The following FYB2 variants were observed in gnomAD, a reference collection of about 807,000 sequenced individuals.
The protein encoded by FYB2 is FYN-binding protein 2.
Under a neutral mutation model 94.1 loss-of-function variants are expected in FYB2, and 103 were observed. That is an observed-to-expected ratio of 1.09 (90% CI 0.93 to 1.29). FYB2 has a LOEUF of 1.29. Among genes scored for constraint, FYB2 ranks in the 50% most tolerant of loss-of-function variants. FYB2 has a pLI of 0.00. For synonymous variants in FYB2, 293 were observed against 287.9 expected (o/e 1.02, Z -0.18); for missense variants, 896 against 841.5 (o/e 1.06, Z -0.80).
intron 1 of FYB2, among the ~76,000 whole-genome samples, chr1:56,793,944 A>G (rs1242309501): frequency 6.6e-6 from 1 of 152,184 alleles, no homozygotes; most frequent in Non-Finnish European, 1.5e-5. Context: ...AAATACTCTG[A>G]GAAACTTGAT....
chr1:56,812,815 G>C (rs899009489), intron 1 of FYB2, among the ~76,000 whole-genome samples: 1 of 152,124 alleles, frequency 6.6e-6, no homozygotes, highest in African/African-American at 2.4e-5. Context: ...AGGTTGATGG[G>C]GGAAGAGTAG....
At chr1:56,793,642 A>G (rs1455505754) in intron 1 of FYB2, among the ~76,000 whole-genome samples, 2 of 150,118 alleles carry the variant, frequency 1.3e-5, no homozygotes, top group Non-Finnish European at 1.5e-5. Flanking sequence ...TTCACTACCT[A>G]GGTGATGGAA....
intron 4 of FYB2, among the ~76,000 whole-genome samples, chr1:56,768,379 G>A (rs1419946535): frequency 6.6e-6 from 1 of 152,182 alleles, no homozygotes; most frequent in Non-Finnish European, 1.5e-5. Context: ...TCAGCATCAA[G>A]TCCAGAGTTA....
At chr1:56,738,936 C>G (rs1427174794) in intron 13 of FYB2, among the ~76,000 whole-genome samples, 1 of 152,000 alleles carries the variant, frequency 6.6e-6, no homozygotes, top group Non-Finnish European at 1.5e-5. Context: ...TAAGGGAAAA[C>G]TAGAACTTTG....
At chr1:56,819,254 G>A in intron 1 of FYB2, 28 bp downstream of exon 1, 1 of 1,614,198 alleles carries the variant, frequency 6.2e-7, no homozygotes, top group African/African-American at 1.3e-5. Flanking sequence ...CACACAGAAA[G>A]CCAGCAACAA....
In FYB2 at chr1:56,792,128, G is replaced by A. The variant is rs974462319; in HGVS notation, c.685C>T (p.Pro229Ser). The part of the protein sequence containing the change: ...QHIRKSWENP[P>S]PERSPASSPC... The stretch of plus-strand genomic sequence containing the variant: ...CTGCTTGCCGGGCTCCTCTCAGGAG[G>A]TGGGTTTTCCCAGCTTTTTCTGATA... Residue 229 changes from proline to serine, a missense_variant, in exon 2 of 20, where the codon CCT (proline) becomes TCT (serine). Transcript: ENST00000343433. The A allele has an allele frequency of 6.2e-7, 1 of 1,613,768 alleles. No homozygotes were observed. Among genetic ancestry groups the A allele is most frequent in the Admixed American group, 1.7e-5 (1 of 59,986 alleles).
chr1:56,730,902 C>T (rs1644693649), intron 15 of FYB2, among the ~76,000 whole-genome samples: 1 of 151,956 alleles, frequency 6.6e-6, no homozygotes, highest in Admixed American at 6.6e-5. Flanking sequence ...TTAGCAAACT[C>T]AATACAACAG....
chr1:56,763,064 T>C (rs1645536834), intron 5 of FYB2, among the ~76,000 whole-genome samples: 1 of 152,220 alleles, frequency 6.6e-6, no homozygotes, highest in African/African-American at 2.4e-5. Context: ...TGAACCAGCT[T>C]TGCATCTCTG....
rs1645418152 is a variant in FYB2, at chr1:56,758,737, A to G, written c.1077T>C (p.Val359=). 6.3e-7 allele frequency: 1 copy of G among 1,598,364 alleles called. No individual in the cohort carries two copies. The highest frequency in any genetic ancestry group is 1.7e-5 in the Admixed American group (1 of 58,222). Residue 359 remains valine, a synonymous_variant, in exon 6 of 20, where the codon GTT becomes GTC. Coordinates refer to ENST00000343433, the MANE Select transcript of FYB2 (RefSeq NM_001004303.5). ...AKEIADPTYE[V]GIEELQKPGK... is the part of the protein sequence containing the mutation. ...ATACCTTTTGGAGTTCTTCAATTCCAACTTCATAAGTTGCTAAAGTAAACA... is the reference window on the plus strand; with the variant it reads ...ATACCTTTTGGAGTTCTTCAATTCCGACTTCATAAGTTGCTAAAGTAAACA...
At chr1:56,754,030 A>T in intron 7 of FYB2, 95 bp from the exon 8 acceptor site, 1 of 743,382 alleles carries the variant, frequency 1.3e-6, no homozygotes, top group Non-Finnish European at 2.3e-6. Flanking sequence ...TGGGAAAAAT[A>T]GATTTGAACA....
chr1:56,733,431 C>T (rs938970636), intron 15 of FYB2, among the ~76,000 whole-genome samples: 1 of 152,086 alleles, frequency 6.6e-6, no homozygotes, highest in Non-Finnish European at 1.5e-5. Flanking sequence ...TCTCTATCTC[C>T]TTCAGTTCTG....
At chr1:56,751,414 G>A (rs1645195962) in intron 8 of FYB2, among the ~76,000 whole-genome samples, 1 of 152,006 alleles carries the variant, frequency 6.6e-6, no homozygotes. Flanking sequence ...GCCTGGCACA[G>A]AGGCAGCTCA....
rs749254801 is a variant in FYB2, at chr1:56,758,788, A to T, written c.1064-38T>A. ...TAAAAAAATTATTTCAAGGCAGCTG[A>T]TCCACCCATTTCTTATAGCACCCAG... On this transcript the variant is annotated intron_variant, in intron 5 of 19. Transcript: ENST00000343433. 2.1e-5 allele frequency: 32 copies of T among 1,495,688 alleles called. No individual in the cohort carries two copies. The African/African-American group carries it at 3.9e-4, about 18-fold the overall frequency. The allele number at this position is 1,495,688 out of a possible 1,614,324, so 92.7% of individuals were successfully genotyped here.
chr1:56,807,865 A>G (rs1025254496), intron 1 of FYB2, among the ~76,000 whole-genome samples: 4 of 152,226 alleles, frequency 2.6e-5, no homozygotes, highest in Admixed American at 1.3e-4. Flanking sequence ...TTTCATTCCC[A>G]TCAATAAAAT....
chr1:56,780,125 G>A (rs1312300524), intron 4 of FYB2, among the ~76,000 whole-genome samples: 1 of 152,118 alleles, frequency 6.6e-6, no homozygotes, highest in Non-Finnish European at 1.5e-5. Flanking sequence ...TACACAAACA[G>A]TAGTTTCTAT....
intron 6 of FYB2, 99 bp from the exon 7 acceptor site, chr1:56,756,026 GGGAT>G: frequency 8.6e-7 from 1 of 1,167,120 alleles, no homozygotes; most frequent in Non-Finnish European, 1.3e-6. Flanking sequence ...AAAGGTGAGG[GGGAT>G]GAAGCCTCAG....
chr1:56,748,388 T>C (rs1216294223), intron 9 of FYB2, among the ~76,000 whole-genome samples: 3 of 152,096 alleles, frequency 2.0e-5, no homozygotes, highest in Admixed American at 2.0e-4. Flanking sequence ...AAGTTTTCCA[T>C]TTAAGTCTTT....
chr1:56,826,043 G>A, the FYB2 span, among the ~76,000 whole-genome samples: 5 of 152,188 alleles, frequency 3.3e-5, no homozygotes, highest in African/African-American at 9.7e-5. Flanking sequence ...TGCTAGGCAC[G>A]CATTCCCACA....
At chr1:56,738,574 A>G in intron 14 of FYB2, 51 bp downstream of exon 14, 1 of 1,537,618 alleles carries the variant, frequency 6.5e-7, no homozygotes, top group East Asian at 2.3e-5. Context: ...CCTGCCTCTG[A>G]ATATACAAAA....
Sources: allele counts gnomAD v4.1 joint callset (sites outside exome capture counted in the v4.1 genomes callset), GRCh38; gene constraint gnomAD v4.1.1; transcripts MANE v1.5; gene names NCBI Gene and HGNC (gene_info 2026-07-23, HGNC 2026-07-21).